The following PEX1 variants were observed in gnomAD, a reference collection of about 807,000 sequenced individuals.
PEX1 encodes peroxisomal biogenesis factor 1, also known as peroxisomal ATPase PEX1.
PEX1 carries 97 observed loss-of-function variants against 152.5 expected under a neutral mutation model. That is an observed-to-expected ratio of 0.64 (90% CI 0.54 to 0.75). The LOEUF (loss-of-function observed/expected upper bound fraction) is 0.75. PEX1 is among the 30% of genes least tolerant of loss of function. The pLI is 0.00. For synonymous variants in PEX1, 485 were observed against 531.6 expected (o/e 0.91, Z 1.21); for missense variants, 1,357 against 1,516.3 (o/e 0.89, Z 1.74).
intron 10 of PEX1, 122 bp from the exon 11 acceptor site, chr7:92,506,466 G>A: frequency 1.4e-6 from 1 of 708,304 alleles, no homozygotes; most frequent in South Asian, 1.5e-5. Flanking sequence ...AAAAACAAAA[G>A]AAGAGGAGAG....
At chr7:92,519,161 C>T (rs573945147) in intron 2 of PEX1, 83 bp from the exon 3 acceptor site, 2 of 778,534 alleles carry the variant, frequency 2.6e-6, no homozygotes, top group East Asian at 2.7e-5. Flanking sequence ...ATCTTCTTAC[C>T]ATTTTAGGTT....
intron 5 of PEX1, among the ~76,000 whole-genome samples, chr7:92,516,055 A>AGAGAAGAGAAGAGAAGAG (rs1321793051): frequency 1.2e-5 from 1 of 85,750 alleles, no homozygotes; most frequent in Non-Finnish European, 2.3e-5. Context: ...AGAGAAGAGA[A>AGAGAAGAGAAGAGAAGAG]AAAAGAAAAG....
chr7:92,517,549 A>C lies in PEX1; in HGVS notation c.966T>G (p.Phe322Leu), dbSNP rs375550740. ...TCACAGTAAAGCTGGGCTCTACATC[A>C]AAATATTCCTGGTCCCATGGAAATA... ...IHVFPWDQEY[F>L]DVEPSFTVTY... Residue 322 changes from phenylalanine to leucine, a missense_variant, in exon 5 of 24, where the codon TTT (phenylalanine) becomes TTG (leucine). By Grantham distance (22) the Phe-to-Leu change is conservative. Coordinates refer to ENST00000248633, the MANE Select transcript of PEX1 (RefSeq NM_000466.3). 1.2e-6 allele frequency: 2 copies of C among 1,614,128 alleles called. No individual in the cohort carries two copies. The highest frequency in any genetic ancestry group is 1.7e-6 in the Non-Finnish European group (2 of 1,180,018).
chr7:92,512,149 C>T (rs1441526691), intron 6 of PEX1, among the ~76,000 whole-genome samples: 1 of 152,158 alleles, frequency 6.6e-6, no homozygotes, highest in African/African-American at 2.4e-5. Context: ...TCGCTTGCCT[C>T]AGGCTCCCAA....
intron 9 of PEX1, 103 bp downstream of exon 9, chr7:92,509,226 C>T (rs996117170): frequency 2.6e-6 from 2 of 763,324 alleles, no homozygotes; most frequent in Non-Finnish European, 2.3e-6. Flanking sequence ...TTATTAAGAT[C>T]ACTTATTGAC....
chr7:92,524,266 C>CTT (rs912217791), intron 1 of PEX1, among the ~76,000 whole-genome samples: 6 of 136,360 alleles, frequency 4.4e-5, no homozygotes, highest in South Asian at 2.4e-4. Flanking sequence ...ATGTTTCTTG[C>CTT]TTTTTTTTTT....
intron 3 of PEX1, 100 bp from the exon 4 acceptor site, chr7:92,518,355 ATGTGCATATTTAAT>A: frequency 2.6e-6 from 2 of 762,048 alleles, no homozygotes; most frequent in Non-Finnish European, 4.7e-6. Context: ...ACAAATTTTA[ATGTGCATATTTAAT>A]ATACACGACA....
At chr7:92,528,211 C>T (rs1158255262) in intron 1 of PEX1, 96 bp downstream of exon 1, 15 of 1,507,936 alleles carry the variant, frequency 9.9e-6, no homozygotes, top group South Asian at 4.8e-5. Flanking sequence ...TTCGGCGGCG[C>T]CCGGGTGGCA....
rs767434877 is a variant in PEX1 at position 92,511,582 on chromosome 7, T to C, written c.1481A>G (p.Asp494Gly). The C allele has an allele frequency of 1.9e-6, 3 of 1,610,158 alleles. No homozygotes were observed. The highest frequency in any genetic ancestry group is 2.5e-6 in the Non-Finnish European group (3 of 1,177,256). Residue 494 changes from aspartate (D) to glycine (G), a missense_variant and splice_region_variant, in exon 7 of 24, where the codon GAT becomes GGT. By Grantham distance (94) the Asp-to-Gly change is moderately conservative. Transcript: ENST00000248633. The stretch of plus-strand genomic sequence containing the variant: ...GTCAAAATAACAAATGTACTCACCA[T>C]CTTTAGTTTCCAGCTTAATAAATTC... ...EEEFIKLETK[D>G]GLKEFSLSIV...
At chr7:92,518,086 T>C (rs563627252) in intron 4 of PEX1, 44 bp from the exon 5 acceptor site, 267 of 1,609,918 alleles carry the variant, frequency 1.7e-4, no homozygotes, top group Non-Finnish European at 2.2e-4. Flanking sequence ...CATTTCTACT[T>C]TGGACTCAAT....
chr7:92,521,888 T>C (rs60653655), intron 2 of PEX1, among the ~76,000 whole-genome samples: 1 of 152,244 alleles, frequency 6.6e-6, no homozygotes, highest in East Asian at 1.9e-4. Flanking sequence ...AGTTAAATAG[T>C]AGAATAAGAA....
At chr7:92,495,556 TTGTCTA>T (rs1791612745) in intron 17 of PEX1, among the ~76,000 whole-genome samples, 1 of 152,208 alleles carries the variant, frequency 6.6e-6, no homozygotes, top group Non-Finnish European at 1.5e-5. Context: ...AATTTTGTTT[TTGTCTA>T]TGTCACCTAA....
chr7:92,494,576 G>GC lies in PEX1; in HGVS notation c.2836dup (p.Ala946GlyfsTer7). The stretch of plus-strand genomic sequence containing the variant: ...TGTATTATCATGACCCCGCCGAGGA[G>GC]CAATGGATTCAAATTCATCAAAGAA... On this transcript the variant is annotated frameshift_variant, in exon 18 of 24. Transcript: ENST00000248633. LOFTEE classifies it high-confidence loss of function. The GC allele has an allele frequency of 6.2e-7, 1 of 1,613,916 alleles. No homozygotes were observed. The highest frequency in any genetic ancestry group is 8.5e-7 in the Non-Finnish European group (1 of 1,179,808).
Position 92,528,408 on chromosome 7 carries a change from C to A in PEX1, c.28G>T (p.Ala10Ser), listed in dbSNP as rs1793403257. 6.3e-7 allele frequency: 1 copy of A among 1,596,336 alleles called. No homozygotes were observed. The highest frequency in any genetic ancestry group is 8.5e-7 in the Non-Finnish European group (1 of 1,172,970). ...GTCACTGCCGCCCCGCCTCCCCCAGCACCCGCCAGGCGATCGCTGCCCCAC... is the reference window on the plus strand; with the variant it reads ...GTCACTGCCGCCCCGCCTCCCCCAGAACCCGCCAGGCGATCGCTGCCCCAC... MWGSDRLAG[A>S]GGGGAAVTVA... Residue 10 changes from alanine (A) to serine (S), a missense_variant, in exon 1 of 24, where the codon GCT becomes TCT. Coordinates refer to ENST00000248633, the MANE Select transcript of PEX1 (RefSeq NM_000466.3).
chr7:92,521,818 C>T (rs1009246949), intron 2 of PEX1, among the ~76,000 whole-genome samples: 8 of 151,934 alleles, frequency 5.3e-5, no homozygotes, highest in Non-Finnish European at 1.0e-4. Flanking sequence ...GTAAGTAGAA[C>T]CTAGTAATTC....
intron 12 of PEX1, among the ~76,000 whole-genome samples, chr7:92,504,086 C>A (rs974229821): frequency 5.3e-5 from 8 of 152,000 alleles, no homozygotes; most frequent in African/African-American, 1.7e-4. Flanking sequence ...CATCAAAACT[C>A]GGCTCAGTTG....
chr7:92,527,892 C>T (rs1426457991), intron 1 of PEX1, among the ~76,000 whole-genome samples: 5 of 152,260 alleles, frequency 3.3e-5, no homozygotes, highest in Admixed American at 6.5e-5. Flanking sequence ...CGGGAACCGA[C>T]AGGGGCTCCG....
At position 92,517,602 on chromosome 7, in the gene PEX1, CAG is replaced by C. The variant is rs786204638; in HGVS notation, c.911_912del (p.Ser304CysfsTer4). ...TGAATGGCACAGTGTTTATGAAAAA[CAG>C]AGGTTGCTGACGCGTTATATATACT... ...PPSIYNASAT[S>X]VFHKHCAIHV... On this transcript the variant is annotated frameshift_variant, in exon 5 of 24. Coordinates refer to ENST00000248633, the MANE Select transcript of PEX1 (RefSeq NM_000466.3). LOFTEE classifies it high-confidence loss of function. 1 of 1,614,006 alleles carries C rather than the reference CAG, an allele frequency of 6.2e-7. No homozygotes were observed. Among genetic ancestry groups the C allele is most frequent in the Non-Finnish European group, 8.5e-7 (1 of 1,179,968 alleles).
chr7:92,506,971 A>G, intron 10 of PEX1, 23 bp downstream of exon 10: 1 of 1,612,808 alleles, frequency 6.2e-7, no homozygotes, highest in Non-Finnish European at 8.5e-7. Flanking sequence ...TTACAGAAAA[A>G]TGAACACACC....
Sources: gnomAD v4.1 joint callset for allele counts (sites outside exome capture counted in the v4.1 genomes callset) on GRCh38, gnomAD v4.1.1 for gene constraint, MANE v1.5 for transcripts, NCBI Gene and HGNC (gene_info 2026-07-23, HGNC 2026-07-21) for gene names.